PLEKHA6: variants seen among roughly 807,000 people sequenced by gnomAD.
PLEKHA6 encodes the protein pleckstrin homology domain-containing family A member 6.
A neutral mutation model predicts 116.7 loss-of-function variants in PLEKHA6; 60 were observed. The observed-to-expected ratio is 0.51, with a 90% CI of 0.42 to 0.64. The LOEUF (loss-of-function observed/expected upper bound fraction) is 0.64. PLEKHA6 is among the 30% of genes least tolerant of loss of function. The pLI is 0.00. For missense variants in PLEKHA6, 1,338 were observed against 1,422.7 expected (o/e 0.94, Z 0.96); for synonymous variants, 489 against 556.1 (o/e 0.88, Z 1.70).
chr1:204,363,870 A>G (rs959524059), upstream of PLEKHA6, among the ~76,000 whole-genome samples: 2 of 152,002 alleles, frequency 1.3e-5, no homozygotes, highest in Non-Finnish European at 2.9e-5. Flanking sequence ...GTAAGTGCAT[A>G]CAGGCTTGCA....
chr1:204,250,831 C>T (rs1004262640), intron 9 of PLEKHA6, among the ~76,000 whole-genome samples: 4 of 152,148 alleles, frequency 2.6e-5, no homozygotes, highest in Non-Finnish European at 1.5e-5. Context: ...AGGCTGACTC[C>T]GGAGAGATCA....
chr1:204,235,156 G>A (rs1661857063), intron 17 of PLEKHA6, among the ~76,000 whole-genome samples: 1 of 151,232 alleles, frequency 6.6e-6, no homozygotes, highest in Non-Finnish European at 1.5e-5. Flanking sequence ...TGGTTTTGGG[G>A]TTTCTGGAGT....
chr1:204,251,956 T>C (rs1363413929), intron 9 of PLEKHA6, among the ~76,000 whole-genome samples: 1 of 152,062 alleles, frequency 6.6e-6, no homozygotes, highest in Non-Finnish European at 1.5e-5. Flanking sequence ...CTCACACCAC[T>C]TTTGACAAAG....
At chr1:204,349,525 A>G (rs1264213208) in intron 1 of PLEKHA6, among the ~76,000 whole-genome samples, 1 of 139,114 alleles carries the variant, frequency 7.2e-6, no homozygotes, top group Non-Finnish European at 1.5e-5. Context: ...TGGGCAACAG[A>G]GCAGGACTCC....
intron 16 of PLEKHA6, 90 bp downstream of exon 16, chr1:204,241,595 T>C: frequency 6.9e-7 from 1 of 1,445,108 alleles, no homozygotes; most frequent in Admixed American, 2.3e-5. Flanking sequence ...GCCCAGGGTG[T>C]GGCACCAGGT....
rs182569804 is a variant in PLEKHA6 at position 204,246,250 on chromosome 1, T to C, written c.1921-524A>G. 3.7e-3 allele frequency among the ~76,000 whole-genome samples: 564 copies of C among 152,312 alleles called. 3 individuals are homozygous for C. The highest frequency in any genetic ancestry group is 6.0e-3 in the Non-Finnish European group (408 of 68,034). ...GGCACTATGCTAAGCAATTTGCATATACAGTGCTAACTCATTTCGGCTGCA... is the reference window on the plus strand; with the variant it reads ...GGCACTATGCTAAGCAATTTGCATACACAGTGCTAACTCATTTCGGCTGCA... On this transcript the variant is annotated intron_variant, in intron 13 of 22. Transcript: ENST00000272203.
chr1:204,308,683 T>TTTCTTTC (rs200113215), intron 1 of PLEKHA6, among the ~76,000 whole-genome samples: 3 of 121,558 alleles, frequency 2.5e-5, no homozygotes, highest in African/African-American at 1.0e-4. Context: ...TTCTTTTTCT[T>TTTCTTTC]TTTCTTTTTT....
rs1036007737 is a variant in PLEKHA6, at chr1:204,223,252, G to A, written c.*8+210C>T. ...ATTGGCATCACAACATCCAAGAAGC[G>A]GCCCTGCCAGCTGGCTCCAGCCCAG... On this transcript the variant is annotated intron_variant, in intron 22 of 22. Coordinates refer to ENST00000272203, the MANE Select transcript of PLEKHA6 (RefSeq NM_014935.5). The surrounding 1 kb of genome is among the most constrained non-coding windows in gnomAD (Gnocchi z 4.8). Among the ~76,000 whole-genome samples the A allele has an allele frequency of 8.5e-5, 13 of 152,120 alleles. No individual in the cohort carries two copies. Among genetic ancestry groups the A allele is most frequent in the African/African-American group, 1.7e-4 (7 of 41,424 alleles).
At chr1:204,291,091 A>G (rs750831730) in intron 1 of PLEKHA6, among the ~76,000 whole-genome samples, 2 of 152,180 alleles carry the variant, frequency 1.3e-5, no homozygotes, top group Non-Finnish European at 2.9e-5. Context: ...TTTATCTAGA[A>G]CCTATGAAGA....
intron 9 of PLEKHA6, chr1:204,256,739 C>T: frequency 2.1e-6 from 1 of 479,620 alleles, no homozygotes; most frequent in Admixed American, 3.8e-5. Context: ...CAGTTTAGCT[C>T]CACCCTGAGT....
At chr1:204,340,665 A>C (rs972360183) in intron 1 of PLEKHA6, among the ~76,000 whole-genome samples, 1 of 152,178 alleles carries the variant, frequency 6.6e-6, no homozygotes, top group Non-Finnish European at 1.5e-5. Context: ...CTCGTTGGCC[A>C]GCAACATTCC....
chr1:204,252,606 C>T (rs1664707919), intron 9 of PLEKHA6, among the ~76,000 whole-genome samples: 1 of 152,182 alleles, frequency 6.6e-6, no homozygotes, highest in Non-Finnish European at 1.5e-5. Flanking sequence ...GGAAGATTAT[C>T]TGGGGTTTCT....
At chr1:204,345,064 C>T (rs1423734258) in intron 1 of PLEKHA6, among the ~76,000 whole-genome samples, 3 of 152,254 alleles carry the variant, frequency 2.0e-5, no homozygotes, top group East Asian at 1.9e-4. Flanking sequence ...ACACATTTAT[C>T]GGCGAGAAAG....
rs527937342 is a variant in PLEKHA6 at position 204,270,140 on chromosome 1, A to C, written c.103-1828T>G. Among the ~76,000 whole-genome samples the C allele has an allele frequency of 1.3e-4, 19 of 150,560 alleles. 1 individual carries two copies. In the South Asian group the frequency reaches 4.0e-3, roughly 32 times the overall value. On this transcript the variant is annotated intron_variant, in intron 3 of 22. Coordinates refer to ENST00000272203, the MANE Select transcript of PLEKHA6 (RefSeq NM_014935.5). ...TCTTAACCTTTCTGACTTTCCTGAAACTCTTCTTTGGATTTCTACAAGACT... is the reference window on the plus strand; with the variant it reads ...TCTTAACCTTTCTGACTTTCCTGAACCTCTTCTTTGGATTTCTACAAGACT...
intron 1 of PLEKHA6, among the ~76,000 whole-genome samples, chr1:204,309,377 G>A (rs572288730): frequency 2.0e-4 from 30 of 152,314 alleles, no homozygotes; most frequent in African/African-American, 7.2e-4. Context: ...GCATAAGGTC[G>A]TTCTGGTCAA....
intron 1 of PLEKHA6, chr1:204,297,040 T>A: frequency 2.3e-6 from 2 of 881,882 alleles, no homozygotes; most frequent in South Asian, 5.2e-5. Flanking sequence ...ACCGTACCCA[T>A]CCCTGCAGAT....
chr1:204,309,731 A>G (rs1216553859), intron 1 of PLEKHA6: 2 of 919,608 alleles, frequency 2.2e-6, no homozygotes, highest in African/African-American at 1.8e-5. Context: ...TCAATTTAGT[A>G]TGATGCTTCT....
chr1:204,309,396 C>T (rs1671574537), intron 1 of PLEKHA6, among the ~76,000 whole-genome samples: 1 of 152,194 alleles, frequency 6.6e-6, no homozygotes, highest in Non-Finnish European at 1.5e-5. Context: ...AACGATGGAC[C>T]ACATATACAA....
At chr1:204,268,389 CT>C in intron 3 of PLEKHA6, 77 bp from the exon 4 acceptor site, 5 of 975,414 alleles carry the variant, frequency 5.1e-6, no homozygotes, top group Non-Finnish European at 7.5e-6. Context: ...GCCACCCCTG[CT>C]AGAGCTGCTT....
Sources: gnomAD v4.1 joint callset for allele counts (sites outside exome capture counted in the v4.1 genomes callset) on GRCh38, gnomAD v4.1.1 for gene constraint, Gnocchi (gnomAD v3.1) non-coding constraint, MANE v1.5 for transcripts, NCBI Gene and HGNC (gene_info 2026-07-23, HGNC 2026-07-21) for gene names.